EMCN: variants seen among roughly 807,000 people sequenced by gnomAD.
EMCN encodes the protein endomucin, also known as MUC-14.
A neutral mutation model predicts 38.4 loss-of-function variants in EMCN; 37 were observed. The ratio of observed to expected loss-of-function variants is 0.96; its 90% CI spans 0.74 to 1.27. EMCN has a LOEUF of 1.27. Among genes scored for constraint, EMCN ranks in the 50% most tolerant of loss-of-function variants. The pLI is 0.00. For synonymous variants in EMCN, 95 were observed against 100.8 expected, an observed-to-expected ratio of 0.94 and a Z score of 0.35; for missense variants, 318 against 302.8, an observed-to-expected ratio of 1.05 and a Z score of -0.37.
chr4:100,504,296 G>A (rs1352466662), intron 1 of EMCN, among the ~76,000 whole-genome samples: 1 of 152,190 alleles, frequency 6.6e-6, no homozygotes, highest in African/African-American at 2.4e-5. Context: ...GCCGATAGCT[G>A]CCTAAATGCC....
At chr4:100,461,210 A>G (rs747323943) in intron 4 of EMCN, among the ~76,000 whole-genome samples, 5 of 152,128 alleles carry the variant, frequency 3.3e-5, no homozygotes, top group Non-Finnish European at 7.4e-5. Flanking sequence ...CCAGATATCC[A>G]TATGTTCACT....
chr4:100,509,129 C>T (rs1216505686), intron 1 of EMCN, among the ~76,000 whole-genome samples: 1 of 152,172 alleles, frequency 6.6e-6, no homozygotes, highest in Non-Finnish European at 1.5e-5. Context: ...TCTTGGGAAA[C>T]ACACACAAAA....
chr4:100,496,689 G>A, intron 1 of EMCN, among the ~76,000 whole-genome samples: 1 of 152,166 alleles, frequency 6.6e-6, no homozygotes, highest in East Asian at 1.9e-4. Context: ...ATGTTAAAGA[G>A]TGAACTAGTG....
intron 3 of EMCN, among the ~76,000 whole-genome samples, chr4:100,471,471 C>T (rs1454120576): frequency 2.0e-5 from 3 of 151,802 alleles, no homozygotes; most frequent in Non-Finnish European, 2.9e-5. Flanking sequence ...ATAAAGAAAG[C>T]TCAGCACCAG....
At chr4:100,465,568 G>A (rs778281008) in intron 3 of EMCN, 29 bp from the exon 4 acceptor site, 2 of 1,235,166 alleles carry the variant, frequency 1.6e-6, no homozygotes, top group South Asian at 1.5e-5. Flanking sequence ...GTCATCAGGA[G>A]TATAACAAAT....
chr4:100,499,264 A>T (rs561984258), intron 1 of EMCN, among the ~76,000 whole-genome samples: 213 of 152,288 alleles, frequency 1.4e-3, no homozygotes, highest in Non-Finnish European at 2.3e-3. Context: ...AATAGTTAAC[A>T]TTTACCACTT....
intron 2 of EMCN, among the ~76,000 whole-genome samples, chr4:100,475,990 A>G (rs1421445880): frequency 1.3e-5 from 2 of 151,898 alleles, no homozygotes; most frequent in East Asian, 3.9e-4. Context: ...CACATTTTTA[A>G]TCTTAGTATC....
intron 3 of EMCN, among the ~76,000 whole-genome samples, chr4:100,471,682 A>T (rs1335501602): frequency 6.6e-6 from 1 of 151,982 alleles, no homozygotes; most frequent in Non-Finnish European, 1.5e-5. Context: ...AAAAATTCTT[A>T]ACAAAATAAT....
intron 4 of EMCN, among the ~76,000 whole-genome samples, chr4:100,463,730 C>G (rs1283291484): frequency 6.6e-6 from 1 of 152,094 alleles, no homozygotes; most frequent in Non-Finnish European, 1.5e-5. Flanking sequence ...TGCATATTTA[C>G]TGTAAGTGGA....
chr4:100,469,635 A>G (rs552915238), intron 3 of EMCN, among the ~76,000 whole-genome samples: 5 of 61,314 alleles, frequency 8.2e-5, no homozygotes, highest in African/African-American at 1.6e-4. Flanking sequence ...TACAGTTTTA[A>G]TCTTCTGCAT....
At chr4:100,401,380 T>G (rs1726257401) in intron 11 of EMCN, among the ~76,000 whole-genome samples, 2 of 152,172 alleles carry the variant, frequency 1.3e-5, no homozygotes, top group Non-Finnish European at 2.9e-5. Flanking sequence ...AGAGATAGTT[T>G]AAAGTACTAC....
intron 2 of EMCN, among the ~76,000 whole-genome samples, chr4:100,478,814 A>G (rs1404706276): frequency 6.6e-6 from 1 of 152,174 alleles, no homozygotes; most frequent in African/African-American, 2.4e-5. Flanking sequence ...TGTAGTTTAT[A>G]TTAAATGGGT....
rs562148452 is a variant in EMCN at position 100,440,048 on chromosome 4, G to T, written c.415+7485C>A. Among the ~76,000 whole-genome samples, 18 of 139,660 alleles carry T rather than the reference G, an allele frequency of 1.3e-4. No individual in the cohort carries two copies. In the Admixed American group the frequency reaches 1.4e-3, roughly 11 times the overall value. 91.6% of individuals were successfully genotyped at this position (139,660 alleles called of 152,430 possible). ...GTCTTGTTTTGTGGCTTATCATATGGCCTATCCCAGGGAATGTTCCATGTG... is the reference window on the plus strand; with the variant it reads ...GTCTTGTTTTGTGGCTTATCATATGTCCTATCCCAGGGAATGTTCCATGTG... On this transcript the variant is annotated intron_variant, in intron 5 of 11. Coordinates refer to ENST00000296420, the MANE Select transcript of EMCN (RefSeq NM_016242.4).
chr4:100,459,578 C>A (rs1194842442), intron 4 of EMCN, among the ~76,000 whole-genome samples: 1 of 152,062 alleles, frequency 6.6e-6, no homozygotes, highest in Admixed American at 6.6e-5. Flanking sequence ...TCCCACCCTA[C>A]CCAACTCCCC....
chr4:100,435,208 A>T (rs2110231129), intron 5 of EMCN, among the ~76,000 whole-genome samples: 1 of 152,324 alleles, frequency 6.6e-6, no homozygotes, highest in African/African-American at 2.4e-5. Context: ...TGCAAAAATC[A>T]CTAGCATTCC....
chr4:100,482,530 A>G (rs1426205405), intron 1 of EMCN, among the ~76,000 whole-genome samples: 4 of 152,138 alleles, frequency 2.6e-5, no homozygotes. Flanking sequence ...AAAGGGCATG[A>G]GCAGAGCTCT....
chr4:100,412,365 A>G (rs1169953008), intron 10 of EMCN, among the ~76,000 whole-genome samples: 1 of 152,186 alleles, frequency 6.6e-6, no homozygotes, highest in Non-Finnish European at 1.5e-5. Context: ...ATGAATTCAG[A>G]TCTGATTTTT....
intron 5 of EMCN, among the ~76,000 whole-genome samples, chr4:100,442,823 C>T (rs1024408080): frequency 6.6e-6 from 1 of 151,480 alleles, no homozygotes; most frequent in Non-Finnish European, 1.5e-5. Context: ...CTCCAAGTTT[C>T]CTTCAGTTCA....
intron 5 of EMCN, among the ~76,000 whole-genome samples, chr4:100,435,737 A>G (rs924734597): frequency 9.9e-5 from 15 of 152,136 alleles, no homozygotes; most frequent in African/African-American, 3.6e-4. Flanking sequence ...ACCTAAAACC[A>G]TCTGATCTTC....
Sources: gnomAD v4.1 joint callset for allele counts (sites outside exome capture counted in the v4.1 genomes callset) on GRCh38, gnomAD v4.1.1 for gene constraint, MANE v1.5 for transcripts, NCBI Gene and HGNC (gene_info 2026-07-23, HGNC 2026-07-21) for gene names.